Variants in GABBR2 observed in about 807,000 individuals in gnomAD.
GABBR2 encodes the protein gamma-aminobutyric acid type B receptor subunit 2, also known as G-protein coupled receptor 51.
In GABBR2, 23 loss-of-function variants were observed where a neutral mutation model predicts 105.6. That is an observed-to-expected ratio of 0.22 (90% CI 0.16 to 0.31). The LOEUF (loss-of-function observed/expected upper bound fraction) is 0.31. GABBR2 is among the 10% of genes least tolerant of loss of function. The pLI is 1.00. For missense variants in GABBR2, 734 were observed against 1,245.5 expected (o/e 0.59, Z 6.18); for synonymous variants, 478 against 499.7 (o/e 0.96, Z 0.58).
rs192685958 is a variant in GABBR2 at position 98,368,656 on chromosome 9, G to A, written c.1770+2808C>T. Among the ~76,000 whole-genome samples the A allele has an allele frequency of 3.1e-3, 474 of 152,352 alleles. 7 individuals are homozygous for A. The highest frequency in any genetic ancestry group is 5.4e-3 in the Non-Finnish European group (370 of 68,038). On this transcript the variant is annotated intron_variant, in intron 12 of 18. Transcript: ENST00000259455. ...AGTCATGTTAGAGAGCATAAAGGCAGGTTTCTTATCACAGATGACCATAGG... is the reference window on the plus strand; with the variant it reads ...AGTCATGTTAGAGAGCATAAAGGCAAGTTTCTTATCACAGATGACCATAGG...
rs535594010 is a variant in GABBR2, at chr9:98,594,425, G to T, written c.322-16353C>A. 1.6e-4 allele frequency among the ~76,000 whole-genome samples: 25 copies of T among 152,298 alleles called. No homozygotes were observed. The South Asian group carries it at 5.2e-3, about 32-fold the overall frequency. Reference sequence around the variant, plus strand: ...CCTGCCTAGGAAAGGGGGCAAAGGGGTTTCAGCTTGGAACCTTGCTAGACG... The same window carrying T: ...CCTGCCTAGGAAAGGGGGCAAAGGGTTTTCAGCTTGGAACCTTGCTAGACG... On this transcript the variant is annotated intron_variant, in intron 1 of 18. Coordinates refer to ENST00000259455, the MANE Select transcript of GABBR2 (RefSeq NM_005458.8).
At chr9:98,474,757 A>C (rs112222543) in intron 5 of GABBR2, among the ~76,000 whole-genome samples, 1 of 152,178 alleles carries the variant, frequency 6.6e-6, no homozygotes, top group Non-Finnish European at 1.5e-5. Flanking sequence ...CCAGGAGGCT[A>C]AAGTGAGGGT....
chr9:98,575,094 C>G (rs969533591), intron 2 of GABBR2, among the ~76,000 whole-genome samples: 37 of 152,252 alleles, frequency 2.4e-4, no homozygotes, highest in Admixed American at 7.2e-4. Flanking sequence ...ACCACCCCCC[C>G]CCAAATCTGC....
At chr9:98,291,163 C>T (rs1054674349) in intron 18 of GABBR2, among the ~76,000 whole-genome samples, 9 of 152,162 alleles carry the variant, frequency 5.9e-5, no homozygotes, top group Admixed American at 2.6e-4. Context: ...AGCTGAGCCT[C>T]GCCTACCTTA....
At chr9:98,654,461 A>T (rs566082195) in intron 1 of GABBR2, among the ~76,000 whole-genome samples, 24 of 152,354 alleles carry the variant, frequency 1.6e-4, no homozygotes, top group Admixed American at 1.6e-3. Context: ...TATGTGCCAG[A>T]TGGTGGGAAC....
intron 4 of GABBR2, among the ~76,000 whole-genome samples, chr9:98,492,959 C>T (rs1827209374): frequency 6.6e-6 from 1 of 152,132 alleles, no homozygotes; most frequent in Admixed American, 6.5e-5. Flanking sequence ...AAGGAAGTAA[C>T]TTAAGAAGTG....
intron 1 of GABBR2, among the ~76,000 whole-genome samples, chr9:98,660,419 G>A (rs1005167313): frequency 2.4e-4 from 37 of 152,284 alleles, no homozygotes; most frequent in East Asian, 7.7e-4. Context: ...GAGTAAAAGC[G>A]TATCCTACTG....
intron 3 of GABBR2, among the ~76,000 whole-genome samples, chr9:98,502,478 C>T (rs1588198839): frequency 1.3e-5 from 2 of 152,300 alleles, no homozygotes; most frequent in East Asian, 3.9e-4. Context: ...CACTGCATGA[C>T]CCACCGCTTC....
chr9:98,532,669 T>A (rs1828089658), intron 3 of GABBR2, among the ~76,000 whole-genome samples: 1 of 152,140 alleles, frequency 6.6e-6, no homozygotes, highest in Non-Finnish European at 1.5e-5. Flanking sequence ...TCTAGCTGCA[T>A]CAAAATCATA....
At chr9:98,337,768 G>A (rs1310144190) in intron 13 of GABBR2, among the ~76,000 whole-genome samples, 1 of 152,198 alleles carries the variant, frequency 6.6e-6, no homozygotes, top group Non-Finnish European at 1.5e-5. Flanking sequence ...TCCAGGGGCG[G>A]TAGCTCACGC....
At chr9:98,453,898 C>T (rs1352950859) in intron 7 of GABBR2, 83 bp downstream of exon 7, 13 of 911,442 alleles carry the variant, frequency 1.4e-5, no homozygotes, top group Non-Finnish European at 2.4e-5. Context: ...GATCACATAA[C>T]AGAAAGCCTG....
intron 7 of GABBR2, among the ~76,000 whole-genome samples, chr9:98,442,183 TAA>T (rs1468353775): frequency 4.6e-5 from 7 of 152,228 alleles, no homozygotes; most frequent in African/African-American, 7.2e-5. Flanking sequence ...GGGTACAATA[TAA>T]AGAGTCTCTT....
intron 12 of GABBR2, among the ~76,000 whole-genome samples, chr9:98,367,835 G>C (rs1831708796): frequency 6.6e-6 from 1 of 152,116 alleles, no homozygotes. Flanking sequence ...AGATTGTTTT[G>C]AAAGGGTTGT....
chr9:98,621,300 T>C (rs1313554607), intron 1 of GABBR2, among the ~76,000 whole-genome samples: 2 of 152,196 alleles, frequency 1.3e-5, no homozygotes, highest in Non-Finnish European at 2.9e-5. Flanking sequence ...GGGGCACCAC[T>C]GCCATCCCAC....
intron 3 of GABBR2, among the ~76,000 whole-genome samples, chr9:98,499,597 G>T (rs1827360396): frequency 6.6e-6 from 1 of 152,240 alleles, no homozygotes; most frequent in South Asian, 2.1e-4. Context: ...AGTGACAAAA[G>T]CATGGAAAAG....
At chr9:98,408,449 C>T (rs2131533137) in intron 7 of GABBR2, among the ~76,000 whole-genome samples, 1 of 152,308 alleles carries the variant, frequency 6.6e-6, no homozygotes, top group East Asian at 1.9e-4. Context: ...GCCATCCCTG[C>T]TACCCTAAGT....
intron 12 of GABBR2, among the ~76,000 whole-genome samples, chr9:98,366,126 A>G (rs929669878): frequency 3.3e-5 from 5 of 152,114 alleles, no homozygotes; most frequent in African/African-American, 1.2e-4. Flanking sequence ...CCCACTCTGA[A>G]CCAGTTTCCT....
rs527573891 is a variant in GABBR2, at chr9:98,505,794, C to T, written c.631-9280G>A. Among the ~76,000 whole-genome samples the T allele has an allele frequency of 2.6e-5, 4 of 152,280 alleles. No homozygotes were observed. In the East Asian group the frequency reaches 7.7e-4, roughly 29 times the overall value. ...GCCACCAGAAGCTGGGAGATGCAGG[C>T]AAGGATTCTCTCCTAGAGACTCCAG... On this transcript the variant is annotated intron_variant, in intron 3 of 18. Coordinates refer to ENST00000259455, the MANE Select transcript of GABBR2 (RefSeq NM_005458.8).
chr9:98,337,817 T>C (rs1449047130), intron 13 of GABBR2, among the ~76,000 whole-genome samples: 1 of 152,034 alleles, frequency 6.6e-6, no homozygotes, highest in African/African-American at 2.4e-5. Flanking sequence ...GGTCAGGAGT[T>C]TGAGACCAGG....
Sources: gnomAD v4.1 joint callset for allele counts (sites outside exome capture counted in the v4.1 genomes callset) on GRCh38, gnomAD v4.1.1 for gene constraint, MANE v1.5 for transcripts, NCBI Gene and HGNC (gene_info 2026-07-23, HGNC 2026-07-21) for gene names.